TBC1D5: variants seen among roughly 807,000 people sequenced by gnomAD.
TBC1D5 encodes the protein TBC1 domain family, member 5.
In TBC1D5, 75 loss-of-function variants were observed where a neutral mutation model predicts 100.3. That is an observed-to-expected ratio of 0.75 (90% CI 0.62 to 0.91). The LOEUF (loss-of-function observed/expected upper bound fraction) is 0.91. TBC1D5 is among the 40% of genes least tolerant of loss of function. The pLI is 0.00. For missense variants in TBC1D5, 910 were observed against 942.4 expected (o/e 0.97, Z 0.45); for synonymous variants, 323 against 325.6 (o/e 0.99, Z 0.09).
At chr3:17,222,737 G>A (rs1351076232) in intron 17 of TBC1D5, among the ~76,000 whole-genome samples, 3 of 151,554 alleles carry the variant, frequency 2.0e-5, no homozygotes, top group Admixed American at 1.3e-4. Context: ...CCTGCTTATG[G>A]GATTTTTTTT....
At chr3:17,693,479 G>T (rs143680188) in intron 1 of TBC1D5, among the ~76,000 whole-genome samples, 85 of 152,362 alleles carry the variant, frequency 5.6e-4, no homozygotes, top group African/African-American at 1.6e-3. Context: ...CTTGCTCACT[G>T]CTAGCGCAGC....
At chr3:17,735,750 G>A (rs930418485) in intron 1 of TBC1D5, among the ~76,000 whole-genome samples, 2 of 152,218 alleles carry the variant, frequency 1.3e-5, no homozygotes, top group Admixed American at 6.5e-5. Flanking sequence ...GCTGGATCAG[G>A]AGCACAGCGG....
Position 17,167,735 on chromosome 3 carries a change from A to G in TBC1D5, c.1932+14T>C. On this transcript the variant is annotated intron_variant, in intron 20 of 21. Transcript: ENST00000253692. ...GCGGGACACAAAGAAATAGTGTCAG[A>G]GCAATGCACATACCTGTTTTAATCC... 1 of 1,613,262 alleles carries G rather than the reference A, an allele frequency of 6.2e-7. No homozygotes were observed. Among genetic ancestry groups the G allele is most frequent in the East Asian group, 2.2e-5 (1 of 44,878 alleles).
At chr3:17,722,609 C>T (rs1179210165) in intron 1 of TBC1D5, among the ~76,000 whole-genome samples, 1 of 152,156 alleles carries the variant, frequency 6.6e-6, no homozygotes, top group African/African-American at 2.4e-5. Flanking sequence ...CTTGGGAACC[C>T]ACTCAGAGTC....
intron 8 of TBC1D5, among the ~76,000 whole-genome samples, chr3:17,389,999 A>G (rs2093302746): frequency 6.6e-6 from 1 of 152,148 alleles, no homozygotes; most frequent in African/African-American, 2.4e-5. Flanking sequence ...CAATTCATAT[A>G]ATTTTTAAAA....
chr3:17,315,317 C>G (rs2150762771), intron 13 of TBC1D5, among the ~76,000 whole-genome samples: 1 of 151,996 alleles, frequency 6.6e-6, no homozygotes. Context: ...AAAACATGAC[C>G]CAATAAAAAG....
chr3:17,505,931 T>G (rs1404965159), intron 3 of TBC1D5, among the ~76,000 whole-genome samples: 2 of 152,192 alleles, frequency 1.3e-5, no homozygotes, highest in African/African-American at 4.8e-5. Flanking sequence ...TTAATTCACA[T>G]GGAAAATATC....
At chr3:17,721,537 C>T (rs1344436680) in intron 1 of TBC1D5, among the ~76,000 whole-genome samples, 1 of 151,874 alleles carries the variant, frequency 6.6e-6, no homozygotes, top group Non-Finnish European at 1.5e-5. Context: ...CTAATTTCAT[C>T]TTGCCTTCAT....
rs2073425437 is a variant in TBC1D5, at chr3:17,703,017, T to C, written c.-101+36326A>G. 2.0e-5 allele frequency among the ~76,000 whole-genome samples: 3 copies of C among 152,100 alleles called. No individual in the cohort carries two copies. The South Asian group carries it at 6.2e-4, about 31-fold the overall frequency. ...GATACAAAACACCAAACATCTTTAC[T>C]GAGTGGTTTAGAAAAAAGTTGAATT... is the stretch of plus-strand genomic sequence containing the variant. On this transcript the variant is annotated intron_variant, in intron 1 of 21. Coordinates refer to ENST00000253692, the Ensembl canonical transcript of TBC1D5.
chr3:17,305,067 T>C (rs2083269658), intron 14 of TBC1D5, among the ~76,000 whole-genome samples: 1 of 152,218 alleles, frequency 6.6e-6, no homozygotes, highest in African/African-American at 2.4e-5. Context: ...CAACCCACCA[T>C]AATCCAGCTT....
At position 17,351,041 on chromosome 3, in the gene TBC1D5, TA is replaced by T. The variant is rs570780756; in HGVS notation, c.995+21033del. ...TTCACATAAACCTAAAATCCTGCTA[TA>T]ATTAGGAAGGAATATTATTTTAAAA... is the stretch of plus-strand genomic sequence containing the variant. On this transcript the variant is annotated intron_variant, in intron 13 of 21. Transcript: ENST00000253692. 3.4e-3 allele frequency among the ~76,000 whole-genome samples: 517 copies of T among 152,314 alleles called. 2 individuals are homozygous for T. Among genetic ancestry groups the T allele is most frequent in the African/African-American group, 0.012 (503 of 41,580 alleles).
At position 17,683,848 on chromosome 3, in the gene TBC1D5, CAACA is replaced by C. The variant is rs1303552459; in HGVS notation, c.-101+55491_-101+55494del. On this transcript the variant is annotated intron_variant, in intron 1 of 21. Coordinates refer to ENST00000253692, the Ensembl canonical transcript of TBC1D5. ...AGCTCTGTATCTGCACATAAGAAAT[CAACA>C]ATGCTAAGTATTATTATAAAAGTCT... Among the ~76,000 whole-genome samples the C allele has an allele frequency of 2.0e-5, 3 of 152,234 alleles. No homozygotes were observed. The East Asian group carries it at 5.8e-4, about 29-fold the overall frequency.
At chr3:17,633,435 C>A (rs138607309) in intron 1 of TBC1D5, among the ~76,000 whole-genome samples, 52 of 151,952 alleles carry the variant, frequency 3.4e-4, no homozygotes, top group Middle Eastern at 3.4e-3. Context: ...GAGACTCCAT[C>A]TCAAAAAAAG....
At chr3:17,550,263 A>T (rs537628293) in intron 2 of TBC1D5, among the ~76,000 whole-genome samples, 1 of 152,262 alleles carries the variant, frequency 6.6e-6, no homozygotes, top group African/African-American at 2.4e-5. Context: ...ACTACTATGA[A>T]TATGTGTTAA....
At position 17,428,594 on chromosome 3, in the gene TBC1D5, C is replaced by G. The variant is rs17200860; in HGVS notation, c.98-75G>C. 2.8e-3 allele frequency: 1,962 copies of G among 700,704 alleles called. 10 individuals carry two copies. Among genetic ancestry groups the G allele is most frequent in the African/African-American group, 5.3e-3 (286 of 53,896 alleles). The allele number at this position is 700,704 out of a possible 1,614,324, so 43.4% of individuals were successfully genotyped here. A position where few individuals can be genotyped will look rare whatever the true frequency, so the allele number is the denominator to read the frequency against. On this transcript the variant is annotated intron_variant, in intron 3 of 21. Transcript: ENST00000253692. ...TCAGTTGAAAAACTGTGTGAAAGCTCTACGCAATATATTAGCCAAAAAGCA... is the reference window on the plus strand; with the variant it reads ...TCAGTTGAAAAACTGTGTGAAAGCTGTACGCAATATATTAGCCAAAAAGCA...
chr3:17,166,871 C>T (rs375558966), exon 21 of TBC1D5: 1 of 1,614,006 alleles, frequency 6.2e-7, no homozygotes, highest in African/African-American at 1.3e-5. Context: ...TGTTCGTTCT[C>T]TTCGGCCTCT....
intron 2 of TBC1D5, among the ~76,000 whole-genome samples, chr3:17,509,987 C>A (rs1021213953): frequency 2.0e-5 from 3 of 151,944 alleles, no homozygotes; most frequent in African/African-American, 7.2e-5. Flanking sequence ...ATTATCTTCT[C>A]AAATCATAAC....
intron 18 of TBC1D5, among the ~76,000 whole-genome samples, chr3:17,197,207 G>A (rs2070812374): frequency 6.6e-6 from 1 of 152,102 alleles, no homozygotes; most frequent in African/African-American, 2.4e-5. Flanking sequence ...TATTTTTCAA[G>A]GTAAAGTATC....
intron 14 of TBC1D5, 152 bp downstream of exon 14, chr3:17,307,840 T>C (rs1403861740): frequency 3.4e-6 from 3 of 883,500 alleles, no homozygotes; most frequent in Non-Finnish European, 3.4e-6. Flanking sequence ...GGATGTTTAG[T>C]ATATTCCTTT....
Sources: allele counts gnomAD v4.1 joint callset (sites outside exome capture counted in the v4.1 genomes callset), GRCh38; gene constraint gnomAD v4.1.1; transcripts MANE v1.5; gene names NCBI Gene and HGNC (gene_info 2026-07-23, HGNC 2026-07-21).